Variants in DMTN observed in about 807,000 individuals in gnomAD.
DMTN encodes dematin.
In DMTN, 27 loss-of-function variants were observed where a neutral mutation model predicts 59.4. The ratio of observed to expected loss-of-function variants is 0.45; its 90% confidence interval spans 0.33 to 0.63. DMTN has a LOEUF of 0.63. Among genes scored for constraint, DMTN ranks in the 20% least tolerant of loss-of-function variants. The pLI, the probability that DMTN is intolerant of heterozygous loss-of-function variation, is 0.02. For synonymous variants in DMTN, 221 were observed against 203.7 expected, an observed-to-expected ratio of 1.08 and a Z score of -0.72; for missense variants, 451 against 528.9, an observed-to-expected ratio of 0.85 and a Z score of 1.45.
Position 22,067,141 on chromosome 8 carries a change from C to A in DMTN, c.75C>A (p.Gly25=). Residue 25 remains glycine, a synonymous_variant, in exon 3 of 16, where the codon GGC becomes GGA. Coordinates refer to ENST00000358242, the MANE Select transcript of DMTN (RefSeq NM_001387751.1). The part of the protein sequence containing the change: ...VSPSRDSSVP[G]SPSSIVAKMD... ...CCTCCCGAGATTCCAGTGTGCCTGGCTCTCCCTCCAGCATCGTGGTGAGTA... is the reference window on the plus strand; with the variant it reads ...CCTCCCGAGATTCCAGTGTGCCTGGATCTCCCTCCAGCATCGTGGTGAGTA... 1 of 1,608,380 alleles carries A rather than the reference C, an allele frequency of 6.2e-7. No individual in the cohort carries two copies. Among genetic ancestry groups the A allele is most frequent in the Non-Finnish European group, 8.5e-7 (1 of 1,177,776 alleles).
intron 3 of DMTN, 66 bp from the exon 4 acceptor site, chr8:22,067,461 C>T: frequency 1.3e-6 from 2 of 1,589,320 alleles, no homozygotes; most frequent in African/African-American, 2.7e-5. Flanking sequence ...GTAAGTCTAG[C>T]TAGCAGGGCC....
Position 22,060,959 on chromosome 8 carries a change from T to C in DMTN, c.-172+3823T>C, listed in dbSNP as rs1805906187. 6.6e-6 allele frequency among the ~76,000 whole-genome samples: 1 copy of C among 151,924 alleles called. No homozygotes were observed. The highest frequency in any genetic ancestry group is 1.5e-5 in the Non-Finnish European group (1 of 67,994). Reference sequence around the variant, plus strand: ...CGCCAATCCAAGCCAACCCACAAGATTGGAATGTAAGGGTTAAATTGAAAC... The same window carrying C: ...CGCCAATCCAAGCCAACCCACAAGACTGGAATGTAAGGGTTAAATTGAAAC... On this transcript the variant is annotated intron_variant, in intron 1 of 15. Coordinates refer to ENST00000358242, the MANE Select transcript of DMTN (RefSeq NM_001387751.1). The surrounding 1 kb of genome is among the most constrained non-coding windows in gnomAD (Gnocchi z 5.0).
Position 22,069,046 on chromosome 8 carries a change from C to T in DMTN, c.280C>T (p.Pro94Ser). 1.2e-6 allele frequency: 2 copies of T among 1,612,624 alleles called. No individual in the cohort carries two copies. Among genetic ancestry groups the T allele is most frequent in the Non-Finnish European group, 8.5e-7 (1 of 1,179,206 alleles). Residue 94 changes from proline (P) to serine (S), a missense_variant, in exon 5 of 16, where the codon CCA becomes TCA. By Grantham distance (74) the Pro-to-Ser change is moderately conservative. Coordinates refer to ENST00000358242, the MANE Select transcript of DMTN (RefSeq NM_001387751.1). ...GCTGTCACCCAAATCCACATCCCCC[C>T]CACCATCCCCAGAGGTGAGTCTGCC... is the stretch of plus-strand genomic sequence containing the variant. The part of the protein sequence containing the change: ...RSLSPKSTSP[P>S]PSPEVWADSR...
chr8:22,049,540 T>C (rs956605038), upstream of DMTN, among the ~76,000 whole-genome samples: 2 of 148,276 alleles, frequency 1.3e-5, no homozygotes, highest in Non-Finnish European at 3.0e-5. Flanking sequence ...TTTAATCTTG[T>C]CGAGGGGGAG....
chr8:22,073,295 CT>C (rs1409482888), intron 9 of DMTN, among the ~76,000 whole-genome samples: 3 of 152,178 alleles, frequency 2.0e-5, no homozygotes, highest in Non-Finnish European at 4.4e-5. Context: ...GCAGTCCTGC[CT>C]GCAGCATGGC....
intron 10 of DMTN, among the ~76,000 whole-genome samples, chr8:22,078,176 C>G (rs1188723996): frequency 1.3e-5 from 2 of 151,582 alleles, no homozygotes; most frequent in Admixed American, 1.3e-4. Context: ...ACCAGCATGG[C>G]CAACATGGTG....
Position 22,070,340 on chromosome 8 carries a change from A to G in DMTN, c.604+6A>G, listed in dbSNP as rs1224548720. The G allele has an allele frequency of 1.6e-5, 26 of 1,588,552 alleles. No individual in the cohort carries two copies. Among genetic ancestry groups the G allele is most frequent in the Non-Finnish European group, 2.2e-5 (26 of 1,169,238 alleles). On this transcript the variant is annotated splice_donor_region_variant and intron_variant, in intron 8 of 15. Coordinates refer to ENST00000358242, the MANE Select transcript of DMTN (RefSeq NM_001387751.1). ...CCCGTCTCTGGCTGTTGTGGGTAGG[A>G]GAGATGGGGAGAGTGGAATGGGTGG...
upstream of DMTN, chr8:22,049,103 C>A (rs1801053665): frequency 1.3e-5 from 2 of 149,888 alleles, no homozygotes; most frequent in Admixed American, 6.6e-5. Context: ...TGCATCCAGC[C>A]GGGCCCCGGG....
chr8:22,067,260 T>C (rs1811498975), intron 3 of DMTN, 101 bp downstream of exon 3: 4 of 1,340,918 alleles, frequency 3.0e-6, no homozygotes, highest in Non-Finnish European at 4.1e-6. Context: ...TCCCCAGTGG[T>C]GGTCCCTCCG....
intron 1 of DMTN, among the ~76,000 whole-genome samples, chr8:22,064,756 C>A (rs1809270655): frequency 1.3e-5 from 2 of 152,192 alleles, no homozygotes; most frequent in African/African-American, 4.8e-5. Flanking sequence ...CCGCGCCCGG[C>A]CTGCCAGAGT....
upstream of DMTN, chr8:22,053,616 C>T: frequency 6.5e-6 from 1 of 152,692 alleles, no homozygotes; most frequent in Non-Finnish European, 1.5e-5. Context: ...GGCAGCAGGG[C>T]CGGAGTCCAC....
chr8:22,066,515 CAGAGAACAATGGCTCAAAAACAAGCG>C, intron 1 of DMTN, 164 bp from the exon 2 acceptor site: 1 of 178,510 alleles, frequency 5.6e-6, no homozygotes, highest in Non-Finnish European at 1.2e-5. Flanking sequence ...CCTTTGAAGC[CAGAGAACAATGGCTCAAAAACAAGCG>C]CAGCCCGTCC....
chr8:22,051,685 C>A (rs557157188), upstream of DMTN, among the ~76,000 whole-genome samples: 1 of 152,140 alleles, frequency 6.6e-6, no homozygotes, highest in East Asian at 1.9e-4. Context: ...TCTCAGCCAC[C>A]GCCTCCTTGC....
intron 1 of DMTN, among the ~76,000 whole-genome samples, chr8:22,061,063 G>T (rs1458782581): frequency 6.6e-6 from 1 of 151,796 alleles, no homozygotes; most frequent in African/African-American, 2.4e-5. Context: ...CTTGAGCCCA[G>T]GAATTCGACA....
chr8:22,073,804 C>A lies in DMTN; in HGVS notation c.804C>A (p.Arg268=). Residue 268 remains arginine, a synonymous_variant, in exon 10 of 16, where the codon CGC becomes CGA. Transcript: ENST00000358242. ...EKSLPIRRKT[R]SLPDRTPFHT... is the part of the protein sequence containing the mutation. ...CATTGCCGATCCGAAGGAAAACCCG[C>A]TCTCTGCCTGACCGGACACCCTTCC... 6.2e-7 allele frequency: 1 copy of A among 1,614,126 alleles called. No individual in the cohort carries two copies. Among genetic ancestry groups the A allele is most frequent in the Non-Finnish European group, 8.5e-7 (1 of 1,180,014 alleles).
At chr8:22,051,532 T>G (rs1872223), upstream of DMTN, among the ~76,000 whole-genome samples, 1 of 152,182 alleles carries the variant, frequency 6.6e-6, no homozygotes, top group African/African-American at 2.4e-5. Context: ...CGTTTCTCCT[T>G]AAGCCACACC....
At position 22,058,685 on chromosome 8, in the gene DMTN, G is replaced by A. The variant is rs1013929859; in HGVS notation, c.-172+1549G>A. Among the ~76,000 whole-genome samples, 2 of 151,984 alleles carry A rather than the reference G, an allele frequency of 1.3e-5. No homozygotes were observed. Among genetic ancestry groups the A allele is most frequent in the East Asian group, 1.9e-4 (1 of 5,158 alleles). On this transcript the variant is annotated intron_variant, in intron 1 of 15. Coordinates refer to ENST00000358242, the MANE Select transcript of DMTN (RefSeq NM_001387751.1). This position sits in a 1 kb window ranked among gnomAD's most constrained non-coding sequence, Gnocchi z 4.3. ...CCCACCCAGGCCTGGTCCTTTATCC[G>A]AGTATGAGAGGGTGCCCTGTAGTGC...
At chr8:22,080,557 C>G (rs905993900) in intron 12 of DMTN, 61 bp from the exon 13 acceptor site, 10 of 1,613,424 alleles carry the variant, frequency 6.2e-6, no homozygotes, top group Middle Eastern at 1.7e-4. Flanking sequence ...CTGGTGAGGT[C>G]AGGCGTGTTG....
At chr8:22,069,379 G>A (rs1469124846) in intron 5 of DMTN, 40 bp from the exon 6 acceptor site, 1 of 1,559,914 alleles carries the variant, frequency 6.4e-7, no homozygotes, top group Non-Finnish European at 8.8e-7. Context: ...TGGGTTGGAG[G>A]GGGTTAGGGG....
Sources: gnomAD v4.1 joint callset for allele counts (sites outside exome capture counted in the v4.1 genomes callset) on GRCh38, gnomAD v4.1.1 for gene constraint, Gnocchi (gnomAD v3.1) non-coding constraint, MANE v1.5 for transcripts, NCBI Gene and HGNC (gene_info 2026-07-23, HGNC 2026-07-21) for gene names.